The following LRRK1 variants were observed in gnomAD, a reference collection of about 807,000 sequenced individuals.
LRRK1 encodes the protein leucine rich repeat kinase 1, also known as leucine-rich repeat serine/threonine-protein kinase 1.
A neutral mutation model predicts 209.1 loss-of-function variants in LRRK1; 113 were observed. That is an observed-to-expected ratio of 0.54 (90% CI 0.46 to 0.63). LRRK1 has a LOEUF of 0.63. Among genes scored for constraint, LRRK1 ranks in the 30% least tolerant of loss-of-function variants. The probability of loss-of-function intolerance (pLI) is 0.00; values close to 1 mark genes in which losing one functional copy is unlikely to be tolerated. For missense variants in LRRK1, 2,284 were observed against 2,632.2 expected, an observed-to-expected ratio of 0.87 and a Z score of 2.89; for synonymous variants, 1,144 against 1,099.7, an observed-to-expected ratio of 1.04 and a Z score of -0.80.
At chr15:101,048,405 A>T (rs895863774) in intron 21 of LRRK1, 89 bp from the exon 22 acceptor site, 4 of 1,193,956 alleles carry the variant, frequency 3.4e-6, no homozygotes, top group Non-Finnish European at 4.7e-6. Flanking sequence ...ATTTATCAAG[A>T]TGGGGCCCAG....
chr15:100,950,865 A>G (rs1362679790), intron 2 of LRRK1, among the ~76,000 whole-genome samples: 1 of 152,250 alleles, frequency 6.6e-6, no homozygotes. Context: ...GCACTTTGGG[A>G]GGCCAAGGCG....
chr15:100,980,912 A>G (rs1236098878), intron 3 of LRRK1, among the ~76,000 whole-genome samples: 1 of 152,214 alleles, frequency 6.6e-6, no homozygotes, highest in Non-Finnish European at 1.5e-5. Context: ...ATGAAACTGA[A>G]CATTTAAAAT....
intron 3 of LRRK1, among the ~76,000 whole-genome samples, chr15:100,977,493 T>A (rs930172846): frequency 6.6e-6 from 1 of 152,136 alleles, no homozygotes; most frequent in Non-Finnish European, 1.5e-5. Context: ...TCACCATCAG[T>A]GGACAGCATG....
chr15:100,930,721 G>A (rs2042196444), intron 2 of LRRK1, among the ~76,000 whole-genome samples: 1 of 152,216 alleles, frequency 6.6e-6, no homozygotes, highest in Non-Finnish European at 1.5e-5. Context: ...CTGAGAGCAG[G>A]GAGATGTCCA....
At position 101,066,180 on chromosome 15, in the gene LRRK1, G is replaced by T; in HGVS notation, c.5743G>T (p.Val1915Phe). 6.2e-7 allele frequency: 1 copy of T among 1,611,008 alleles called. No individual in the cohort carries two copies. Among genetic ancestry groups the T allele is most frequent in the Non-Finnish European group, 8.5e-7 (1 of 1,178,156 alleles). Residue 1915 changes from valine (V) to phenylalanine (F), a missense_variant, in exon 32 of 34, where the codon GTC becomes TTC. By Grantham distance (50) the Val-to-Phe change is conservative. Coordinates refer to ENST00000388948, the MANE Select transcript of LRRK1 (RefSeq NM_024652.6). ...CCTGCAGGCCGTGAAGATCCTCGCC[G>T]TCAGAGACCTCATTTGGGTCCCCAG... is the stretch of plus-strand genomic sequence containing the variant. ...QHLQAVKILA[V>F]RDLIWVPRRG...
intron 2 of LRRK1, among the ~76,000 whole-genome samples, chr15:100,949,030 A>C (rs1235311723): frequency 6.6e-6 from 1 of 152,144 alleles, no homozygotes; most frequent in Non-Finnish European, 1.5e-5. Flanking sequence ...ATTAGAGCAG[A>C]AAAAAATAAA....
intron 26 of LRRK1, among the ~76,000 whole-genome samples, chr15:101,053,637 G>T (rs1372474055): frequency 6.7e-6 from 1 of 149,922 alleles, no homozygotes; most frequent in African/African-American, 2.5e-5. Flanking sequence ...GCACACTCTG[G>T]AGTCGGCTAA....
intron 23 of LRRK1, among the ~76,000 whole-genome samples, chr15:101,050,080 C>T (rs1240797908): frequency 4.6e-5 from 7 of 152,180 alleles, no homozygotes; most frequent in Non-Finnish European, 8.8e-5. Context: ...GAGTGGTCCA[C>T]GGAGATGCTC....
intron 2 of LRRK1, among the ~76,000 whole-genome samples, chr15:100,930,548 CCTG>C (rs1208295344): frequency 1.3e-5 from 2 of 152,234 alleles, no homozygotes; most frequent in African/African-American, 4.8e-5. Context: ...CACACTTGCT[CCTG>C]ACTTGGCCTC....
intron 6 of LRRK1, chr15:100,989,644 A>G (rs1388019079): frequency 3.4e-6 from 2 of 580,434 alleles, no homozygotes; most frequent in Admixed American, 6.3e-5. Context: ...CACCCTCAAA[A>G]TAACAAACCC....
chr15:101,053,665 G>C (rs560251550), intron 26 of LRRK1, among the ~76,000 whole-genome samples: 16 of 152,240 alleles, frequency 1.1e-4, no homozygotes, highest in Non-Finnish European at 2.1e-4. Context: ...CTCTGCCGCG[G>C]TCCGGAAAGC....
In LRRK1 at chr15:101,051,766, C is replaced by T. The variant is rs1289091398; in HGVS notation, c.3495C>T (p.Cys1165=). ...GTPLMEQYVP[C]PVCETAWAQH... is the part of the protein sequence containing the mutation. The stretch of plus-strand genomic sequence containing the variant: ...CACTCATGGAGCAGTACGTGCCCTG[C>T]CCGGTCTGCGAGACAGCCTGGGCCC... The change falls in exon 24 of 34, where the codon TGC becomes TGT. Residue 1165 remains cysteine (C), a synonymous_variant. Coordinates refer to ENST00000388948, the MANE Select transcript of LRRK1 (RefSeq NM_024652.6). The T allele has an allele frequency of 1.9e-6, 3 of 1,614,030 alleles. No individual in the cohort carries two copies. Among genetic ancestry groups the T allele is most frequent in the South Asian group, 2.2e-5 (2 of 91,086 alleles).
At chr15:100,995,926 C>T (rs563821604) in intron 6 of LRRK1, among the ~76,000 whole-genome samples, 8 of 152,356 alleles carry the variant, frequency 5.3e-5, no homozygotes, top group African/African-American at 1.7e-4. Context: ...GGATCAGTTC[C>T]GGCATATGTA....
At chr15:100,950,581 G>T (rs1374102560) in intron 2 of LRRK1, among the ~76,000 whole-genome samples, 2 of 152,136 alleles carry the variant, frequency 1.3e-5, no homozygotes, top group Non-Finnish European at 2.9e-5. Context: ...CTTGGATTAG[G>T]CAATAGTTTC....
Position 101,062,685 on chromosome 15 carries a change from A to G in LRRK1, c.4909A>G (p.Lys1637Glu), listed in dbSNP as rs746379912. The change falls in exon 31 of 34, where the codon AAA becomes GAA. Residue 1637 changes from lysine to glutamate, a missense_variant. Physicochemically the swap from Lys to Glu is moderately conservative, Grantham distance 56. Coordinates refer to ENST00000388948, the MANE Select transcript of LRRK1 (RefSeq NM_024652.6). ...VTCFLAVPVIKKNSYLVLAGL... is the reference protein window; with the variant it reads ...VTCFLAVPVIEKNSYLVLAGL... ...CTGCTTCTTGGCCGTGCCTGTTATT[A>G]AAAAGGTGAGGTCGGGGCAAAGGCA... 6.2e-7 allele frequency: 1 copy of G among 1,611,290 alleles called. No homozygotes were observed. The highest frequency in any genetic ancestry group is 8.5e-7 in the Non-Finnish European group (1 of 1,177,342).
chr15:100,923,637 G>A (rs1040688098), intron 1 of LRRK1, among the ~76,000 whole-genome samples: 7 of 152,198 alleles, frequency 4.6e-5, no homozygotes, highest in African/African-American at 1.7e-4. Flanking sequence ...TGCCCATGGG[G>A]GGACTCTAAG....
chr15:101,057,240 T>A (rs904850613), intron 28 of LRRK1, among the ~76,000 whole-genome samples, 190 bp downstream of exon 28: 1 of 152,260 alleles, frequency 6.6e-6, no homozygotes, highest in Non-Finnish European at 1.5e-5. Flanking sequence ...TGCGTGTCAC[T>A]CTTACGAAAC....
chr15:100,980,251 C>A (rs1038618702), intron 3 of LRRK1, among the ~76,000 whole-genome samples: 19 of 151,496 alleles, frequency 1.3e-4, no homozygotes, highest in Admixed American at 9.2e-4. Context: ...CTGAAACACG[C>A]AGCAACTCAG....
At chr15:101,014,991 T>G (rs1263006209) in intron 11 of LRRK1, among the ~76,000 whole-genome samples, 1 of 152,160 alleles carries the variant, frequency 6.6e-6, no homozygotes, top group African/African-American at 2.4e-5. Flanking sequence ...GAAATGGACG[T>G]GGAATTGAAT....
Sources: allele counts gnomAD v4.1 joint callset (sites outside exome capture counted in the v4.1 genomes callset), GRCh38; gene constraint gnomAD v4.1.1; transcripts MANE v1.5; gene names NCBI Gene and HGNC (gene_info 2026-07-23, HGNC 2026-07-21).